Variants in PCDHA7 observed in about 807,000 individuals in gnomAD.
The protein encoded by PCDHA7 is protocadherin alpha 7, also known as protocadherin alpha-7.
PCDHA7 carries 37 observed loss-of-function variants against 57.2 expected under a neutral mutation model. The ratio of observed to expected loss-of-function variants is 0.65; its 90% confidence interval spans 0.50 to 0.85. The LOEUF (loss-of-function observed/expected upper bound fraction) is 0.85, where lower values mean the gene tolerates loss of function less well. PCDHA7 is among the 40% of genes least tolerant of loss of function. The pLI is 0.00. For missense variants in PCDHA7, 1,188 were observed against 1,241.8 expected (o/e 0.96, Z 0.65); for synonymous variants, 553 against 558.8 (o/e 0.99, Z 0.15).
rs141068049 is a variant in PCDHA7, at chr5:140,842,535, A to C, written c.2355+5797A>C. 7.4e-6 allele frequency: 12 copies of C among 1,612,482 alleles called. 1 individual carries two copies. The highest frequency in any genetic ancestry group is 1.0e-5 in the Non-Finnish European group (12 of 1,178,836). On this transcript the variant is annotated intron_variant, in intron 1 of 3. Coordinates refer to ENST00000525929, the MANE Select transcript of PCDHA7 (RefSeq NM_018910.3). ...CTGGTGTCCACCTTCAAGAATTACT[A>C]CTCGTTGGTGCTGGACAGCGCCCTG... is the stretch of plus-strand genomic sequence containing the variant.
intron 1 of PCDHA7, among the ~76,000 whole-genome samples, chr5:140,838,933 A>G (rs1168986941): frequency 6.6e-6 from 1 of 151,908 alleles, no homozygotes; most frequent in African/African-American, 2.4e-5. Context: ...AATAAAATGA[A>G]ATAATAAAAT....
rs180683275 is a variant in PCDHA7 at position 140,985,540 on chromosome 5, T to C, written c.2503+2977T>C. 7.6e-3 allele frequency among the ~76,000 whole-genome samples: 1,162 copies of C among 152,268 alleles called. 7 individuals are homozygous for C. The highest frequency in any genetic ancestry group is 0.012 in the Non-Finnish European group (785 of 68,010). On this transcript the variant is annotated intron_variant, in intron 3 of 3. Coordinates refer to ENST00000525929, the MANE Select transcript of PCDHA7 (RefSeq NM_018910.3). ...TGCCCTTAAAGCTTCACGGTGAAGATGCAGTTGCTTCCAAAAGGCTTCTTT... is the reference window on the plus strand; with the variant it reads ...TGCCCTTAAAGCTTCACGGTGAAGACGCAGTTGCTTCCAAAAGGCTTCTTT...
rs143298646 is a variant in PCDHA7 at position 140,846,200 on chromosome 5, T to A, written c.2355+9462T>A. ...TAGGCGTTTGAGTTCTTTGTATGTA[T>A]GAGATCTTTCCATTAATAGTATTTT... On this transcript the variant is annotated intron_variant, in intron 1 of 3. Coordinates refer to ENST00000525929, the MANE Select transcript of PCDHA7 (RefSeq NM_018910.3). Among the ~76,000 whole-genome samples, 321 of 149,672 alleles carry A rather than the reference T, an allele frequency of 2.1e-3. 23 individuals carry two copies. The highest frequency in any genetic ancestry group is 7.4e-3 in the African/African-American group (305 of 40,998).
At chr5:141,005,627 G>A (rs1051972778) in intron 3 of PCDHA7, among the ~76,000 whole-genome samples, 1 of 148,378 alleles carries the variant, frequency 6.7e-6, no homozygotes, top group Non-Finnish European at 1.5e-5. Flanking sequence ...GCGTGAACCC[G>A]GGAGGCGGAG....
chr5:140,836,633 C>T lies in PCDHA7; in HGVS notation c.2250C>T (p.Phe750=). 6.2e-7 allele frequency: 1 copy of T among 1,613,432 alleles called. No individual in the cohort carries two copies. Among genetic ancestry groups the T allele is most frequent in the Non-Finnish European group, 8.5e-7 (1 of 1,179,616 alleles). ...CCAGCGCGGTGGGGAGCTGGTCATTCTCCCAGCAGAGGCGGCAGAGGGTGT... is the reference window on the plus strand; with the variant it reads ...CCAGCGCGGTGGGGAGCTGGTCATTTTCCCAGCAGAGGCGGCAGAGGGTGT... ...VCSSAVGSWS[F]SQQRRQRVCS... Residue 750 remains phenylalanine, a synonymous_variant, in exon 1 of 4, where the codon TTC becomes TTT. Transcript: ENST00000525929.
At position 140,876,234 on chromosome 5, in the gene PCDHA7, T is replaced by C. The variant is rs1260556049; in HGVS notation, c.2355+39496T>C. 4 of 1,613,902 alleles carry C rather than the reference T, an allele frequency of 2.5e-6. No individual in the cohort carries two copies. In the South Asian group the frequency reaches 3.3e-5, roughly 13 times the overall value. On this transcript the variant is annotated intron_variant, in intron 1 of 3. Transcript: ENST00000525929. ...GCTATAAAGTAGTGTTGTCTGAAAA[T>C]GTCCAAAACGACACAAGAGTGATCC...
At chr5:140,919,110 C>T (rs1274257448) in intron 1 of PCDHA7, among the ~76,000 whole-genome samples, 3 of 152,118 alleles carry the variant, frequency 2.0e-5, no homozygotes, top group Non-Finnish European at 2.9e-5. Flanking sequence ...TTCATTTCTG[C>T]CAGTTTTTGC....
At chr5:140,955,293 T>A (rs2095165956) in intron 1 of PCDHA7, among the ~76,000 whole-genome samples, 1 of 152,182 alleles carries the variant, frequency 6.6e-6, no homozygotes, top group Non-Finnish European at 1.5e-5. Flanking sequence ...ATGGTTTGGC[T>A]GTGTCCCCAC....
chr5:140,927,155 G>A (rs2083907874), intron 1 of PCDHA7: 1 of 1,614,076 alleles, frequency 6.2e-7, no homozygotes, highest in Non-Finnish European at 8.5e-7. Flanking sequence ...CAGCTGTGCA[G>A]GGCCAAAGCT....
At chr5:140,949,371 C>G (rs932971788) in intron 1 of PCDHA7, among the ~76,000 whole-genome samples, 1 of 151,712 alleles carries the variant, frequency 6.6e-6, no homozygotes, top group African/African-American at 2.4e-5. Flanking sequence ...GTCTAGTTGT[C>G]CTATCAATTG....
At chr5:140,843,145 G>C in intron 1 of PCDHA7, 1 of 1,596,072 alleles carries the variant, frequency 6.3e-7, no homozygotes, top group South Asian at 1.1e-5. Context: ...CGTGGCTTTC[G>C]TATGAGCTGC....
At chr5:140,970,271 G>A (rs1395602971) in intron 1 of PCDHA7, among the ~76,000 whole-genome samples, 1 of 152,200 alleles carries the variant, frequency 6.6e-6, no homozygotes, top group Non-Finnish European at 1.5e-5. Context: ...TTGATGAGAT[G>A]TAAAGTAGCC....
In PCDHA7 at chr5:140,834,456, G is replaced by A. The variant is rs2150218651; in HGVS notation, c.73G>A (p.Glu25Lys). Reference sequence around the variant, plus strand: ...GTTTATTATAATTCTAGCAGCTTGGGAGGCAGGGAGAGGCCAGCTCCACTA... The same window carrying A: ...GTTTATTATAATTCTAGCAGCTTGGAAGGCAGGGAGAGGCCAGCTCCACTA... Reference protein sequence around the residue: ...LLFIIILAAWEAGRGQLHYSV... With the variant: ...LLFIIILAAWKAGRGQLHYSV... Residue 25 changes from glutamate to lysine, a missense_variant, in exon 1 of 4, where the codon GAG becomes AAG. Glu to Lys is a moderately conservative substitution (Grantham distance 56). Around this residue, in one of 3 missense-constraint regions of PCDHA7, gnomAD observed 194 missense variants for 185.8 expected, o/e 1.04. Coordinates refer to ENST00000525929, the MANE Select transcript of PCDHA7 (RefSeq NM_018910.3). 5 of 1,614,148 alleles carry A rather than the reference G, an allele frequency of 3.1e-6. No homozygotes were observed. Among genetic ancestry groups the A allele is most frequent in the Non-Finnish European group, 4.2e-6 (5 of 1,180,024 alleles).
chr5:140,938,086 TTTA>T (rs1189650554), intron 1 of PCDHA7, among the ~76,000 whole-genome samples: 6 of 152,142 alleles, frequency 3.9e-5, no homozygotes, highest in African/African-American at 1.4e-4. Flanking sequence ...TAATGTTAGT[TTTA>T]TTATTGTATT....
In PCDHA7 at chr5:140,836,409, C is replaced by T; in HGVS notation, c.2026C>T (p.Pro676Ser). Residue 676 changes from proline to serine, a missense_variant, in exon 1 of 4, where the codon CCA (proline) becomes TCA (serine). Transcript: ENST00000525929. Reference protein sequence around the residue: ...LVSLVESGQAPKASSRASLGI... With the variant: ...LVSLVESGQASKASSRASLGI... ...GTCGCTGGTGGAAAGCGGCCAGGCA[C>T]CAAAGGCGTCGTCGCGGGCATCGTT... 6.2e-7 allele frequency: 1 copy of T among 1,613,780 alleles called. No homozygotes were observed. The highest frequency in any genetic ancestry group is 1.1e-5 in the South Asian group (1 of 91,078).
At chr5:140,949,721 A>G (rs1466646683) in intron 1 of PCDHA7, among the ~76,000 whole-genome samples, 1 of 151,690 alleles carries the variant, frequency 6.6e-6, no homozygotes, top group East Asian at 1.9e-4. Context: ...CATTTTGATA[A>G]TATCTGCTTT....
At chr5:140,850,521 C>T (rs2041655366) in intron 1 of PCDHA7, 2 of 1,598,110 alleles carry the variant, frequency 1.3e-6, no homozygotes, top group Admixed American at 3.4e-5. Context: ...CGGCCAGGCG[C>T]CAAAGTCATC....
intron 1 of PCDHA7, chr5:140,928,138 A>G (rs1554205540): frequency 1.9e-6 from 3 of 1,614,190 alleles, no homozygotes; most frequent in South Asian, 1.1e-5. Context: ...AGTCCTGATC[A>G]CGGCCTCAGA....
At chr5:140,897,803 C>A (rs1285512803) in intron 1 of PCDHA7, among the ~76,000 whole-genome samples, 2 of 152,130 alleles carry the variant, frequency 1.3e-5, no homozygotes, top group Non-Finnish European at 2.9e-5. Flanking sequence ...AGAGTCCCAC[C>A]AACAGTGTAA....
Sources: allele counts gnomAD v4.1 joint callset (sites outside exome capture counted in the v4.1 genomes callset), GRCh38; gene constraint gnomAD v4.1.1; regional missense constraint gnomAD v4.1.1; transcripts MANE v1.5; gene names NCBI Gene and HGNC (gene_info 2026-07-23, HGNC 2026-07-21).